Variants in ADAMTSL1 observed in about 807,000 individuals in gnomAD.
The protein encoded by ADAMTSL1 is ADAMTS like 1.
A neutral mutation model predicts 201.8 loss-of-function variants in ADAMTSL1; 126 were observed. The observed-to-expected ratio is 0.62, with a 90% CI of 0.54 to 0.72. The LOEUF is 0.72. Ranked by LOEUF, ADAMTSL1 falls within the 30% of genes least tolerant of loss-of-function variation. ADAMTSL1 has a pLI of 0.00. For synonymous variants in ADAMTSL1, 1,121 were observed against 903.4 expected (o/e 1.24, Z -4.32); for missense variants, 2,679 against 2,277.8 (o/e 1.18, Z -3.59).
intron 3 of ADAMTSL1, among the ~76,000 whole-genome samples, chr9:18,536,509 A>T (rs1819784737): frequency 6.6e-6 from 1 of 151,614 alleles, no homozygotes; most frequent in Non-Finnish European, 1.5e-5. Flanking sequence ...ACCACTCTAT[A>T]AGTAGTATGT....
intron 2 of ADAMTSL1, among the ~76,000 whole-genome samples, chr9:18,532,743 C>CA (rs1819523280): frequency 6.6e-6 from 1 of 150,934 alleles, no homozygotes; most frequent in African/African-American, 2.4e-5. Flanking sequence ...CTGTCTTTTC[C>CA]AAAACCTCTG....
At chr9:17,953,033 G>GTTT (rs5896767) in intron 1 of ADAMTSL1, among the ~76,000 whole-genome samples, 6 of 144,550 alleles carry the variant, frequency 4.2e-5, no homozygotes, top group Non-Finnish European at 6.0e-5. Context: ...AATTTCCATA[G>GTTT]TTTTTTTTTT....
chr9:18,600,555 G>A (rs1824582781), intron 4 of ADAMTSL1, among the ~76,000 whole-genome samples: 1 of 152,232 alleles, frequency 6.6e-6, no homozygotes, highest in African/African-American at 2.4e-5. Context: ...GTCCCTACTT[G>A]CCACTGGTTT....
At chr9:18,112,889 G>A (rs966256228) in intron 1 of ADAMTSL1, among the ~76,000 whole-genome samples, 25 of 152,168 alleles carry the variant, frequency 1.6e-4, no homozygotes, top group Non-Finnish European at 2.8e-4. Flanking sequence ...ATCTTTGTCA[G>A]AGGGATACTG....
intron 17 of ADAMTSL1, among the ~76,000 whole-genome samples, chr9:18,772,421 T>C (rs902035334): frequency 6.6e-6 from 1 of 152,152 alleles, no homozygotes; most frequent in African/African-American, 2.4e-5. Context: ...ATTTTGGGAC[T>C]AAGAAAAAGG....
intron 1 of ADAMTSL1, among the ~76,000 whole-genome samples, chr9:18,018,456 A>G (rs1820348321): frequency 6.6e-6 from 1 of 152,034 alleles, no homozygotes; most frequent in Non-Finnish European, 1.5e-5. Context: ...CTAATAGACT[A>G]TGGCATGGAA....
intron 1 of ADAMTSL1, among the ~76,000 whole-genome samples, chr9:18,484,216 G>A (rs1389584010): frequency 6.6e-6 from 1 of 152,200 alleles, no homozygotes; most frequent in Non-Finnish European, 1.5e-5. Context: ...TAGAATGTCG[G>A]TAAGGATTTG....
chr9:18,129,547 A>C (rs1271034742), intron 1 of ADAMTSL1, among the ~76,000 whole-genome samples: 1 of 152,116 alleles, frequency 6.6e-6, no homozygotes, highest in African/African-American at 2.4e-5. Context: ...TTTATCTGTT[A>C]ATTCTGTCAA....
chr9:18,518,290 G>A (rs984779296), intron 2 of ADAMTSL1, among the ~76,000 whole-genome samples: 8 of 149,912 alleles, frequency 5.3e-5, no homozygotes, highest in Admixed American at 3.3e-4. Flanking sequence ...TTTCCACCCC[G>A]CCCCCCAACC....
chr9:18,572,408 T>C lies in ADAMTSL1; in HGVS notation c.238-1622T>C, dbSNP rs547268562. ...ATCCTATTATCTAAAAAATTAATAA[T>C]TGGTAAATTTTATTCATACTCTTTT... On this transcript the variant is annotated intron_variant, in intron 3 of 28. Transcript: ENST00000380548. 2.6e-5 allele frequency among the ~76,000 whole-genome samples: 4 copies of C among 152,312 alleles called. No individual in the cohort carries two copies. The South Asian group carries it at 8.3e-4, about 32-fold the overall frequency.
chr9:18,538,415 A>G (rs1819927714), intron 3 of ADAMTSL1, among the ~76,000 whole-genome samples: 1 of 152,140 alleles, frequency 6.6e-6, no homozygotes, highest in South Asian at 2.1e-4. Context: ...CTACACTCAA[A>G]CAGTGAGAGA....
At chr9:18,591,470 A>T (rs1291190469) in intron 4 of ADAMTSL1, among the ~76,000 whole-genome samples, 2 of 152,102 alleles carry the variant, frequency 1.3e-5, no homozygotes, top group African/African-American at 2.4e-5. Context: ...TATTCCATTC[A>T]GCCACTCTTT....
intron 2 of ADAMTSL1, among the ~76,000 whole-genome samples, chr9:18,265,551 A>G (rs577776253): frequency 6.6e-6 from 1 of 152,322 alleles, no homozygotes; most frequent in African/African-American, 2.4e-5. Context: ...GAATGACTGA[A>G]TGAATAAGCT....
At position 18,777,109 on chromosome 9, in the gene ADAMTSL1, C is replaced by T. The variant is rs752775936; in HGVS notation, c.2880C>T (p.Leu960=). The T allele has an allele frequency of 1.2e-6, 2 of 1,613,116 alleles. No homozygotes were observed. Among genetic ancestry groups the T allele is most frequent in the African/African-American group, 1.3e-5 (1 of 75,054 alleles). The change falls in exon 19 of 29, where the codon CTC becomes CTT. Residue 960 remains leucine, a synonymous_variant. Coordinates refer to ENST00000380548, the MANE Select transcript of ADAMTSL1 (RefSeq NM_001040272.6). ...CCCGGGAGCACTTTGTGATTAAGCT[C>T]ATCGGAGGCAACCGCAAGCTCGTGG... ...GPAREHFVIK[L]IGGNRKLVAR...
At chr9:17,955,637 C>G (rs898010859) in intron 1 of ADAMTSL1, among the ~76,000 whole-genome samples, 1 of 152,138 alleles carries the variant, frequency 6.6e-6, no homozygotes, top group Non-Finnish European at 1.5e-5. Flanking sequence ...GACATAAATC[C>G]TTCCATTGTC....
chr9:17,933,799 C>T (rs972111911), intron 1 of ADAMTSL1, among the ~76,000 whole-genome samples: 1 of 152,086 alleles, frequency 6.6e-6, no homozygotes, highest in East Asian at 1.9e-4. Flanking sequence ...AGGGAGAAAT[C>T]CACCCTCATG....
At chr9:18,751,694 C>T (rs1268810928) in intron 15 of ADAMTSL1, among the ~76,000 whole-genome samples, 2 of 152,114 alleles carry the variant, frequency 1.3e-5, no homozygotes, top group Non-Finnish European at 2.9e-5. Flanking sequence ...GGTAGAATAA[C>T]TGTAATACAA....
intron 19 of ADAMTSL1, among the ~76,000 whole-genome samples, chr9:18,793,963 G>A (rs1026973203): frequency 4.6e-5 from 7 of 152,008 alleles, no homozygotes; most frequent in African/African-American, 1.2e-4. Flanking sequence ...AACAGACTTG[G>A]GTGGAGTGGG....
intron 2 of ADAMTSL1, among the ~76,000 whole-genome samples, chr9:18,527,195 C>T (rs538007808): frequency 1.1e-4 from 16 of 152,112 alleles, no homozygotes; most frequent in East Asian, 1.9e-4. Flanking sequence ...GCCATAAGTC[C>T]GTATTTGAAA....
Sources: allele counts gnomAD v4.1 joint callset (sites outside exome capture counted in the v4.1 genomes callset), GRCh38; gene constraint gnomAD v4.1.1; transcripts MANE v1.5; gene names NCBI Gene and HGNC (gene_info 2026-07-23, HGNC 2026-07-21).